Variants in HHLA2 observed in about 807,000 individuals in gnomAD.
HHLA2 encodes HERV-H LTR-associating protein 2.
Under a neutral mutation model 45.9 loss-of-function variants are expected in HHLA2, and 48 were observed. The observed-to-expected ratio is 1.05, with a 90% CI of 0.83 to 1.33. HHLA2 has a LOEUF of 1.33. HHLA2 is among the 40% of genes most tolerant of loss of function. The probability of loss-of-function intolerance (pLI) is 0.00; values close to 1 mark genes in which losing one functional copy is unlikely to be tolerated. For synonymous variants in HHLA2, 161 were observed against 173.9 expected, an observed-to-expected ratio of 0.93 and a Z score of 0.59; for missense variants, 462 against 494.3, an observed-to-expected ratio of 0.93 and a Z score of 0.62.
chr3:108,367,615 A>C (rs762763409), intron 8 of HHLA2, among the ~76,000 whole-genome samples: 3 of 151,938 alleles, frequency 2.0e-5, no homozygotes, highest in Non-Finnish European at 4.4e-5. Context: ...CAGAGACTGA[A>C]GATCAACTTA....
intron 3 of HHLA2, among the ~76,000 whole-genome samples, chr3:108,347,659 G>A (rs529764248): frequency 2.0e-5 from 3 of 152,276 alleles, no homozygotes; most frequent in South Asian, 4.1e-4. Context: ...GTAGGAAAAG[G>A]GTAACCAGCC....
Position 108,318,565 on chromosome 3 carries a change from C to A in HHLA2, c.-105+7824C>A, listed in dbSNP as rs186079757. The stretch of plus-strand genomic sequence containing the variant: ...TCTAATTCCTGGAAATAAAAAATCA[C>A]CCAAATTATTTTCCTTTTCCCCCAA... On this transcript the variant is annotated intron_variant, in intron 2 of 10. Transcript: ENST00000619531. Among the ~76,000 whole-genome samples the A allele has an allele frequency of 2.4e-4, 37 of 152,296 alleles. No homozygotes were observed. In the East Asian group the frequency reaches 5.0e-3, roughly 21 times the overall value.
rs975445686 is a variant in HHLA2 at position 108,355,425 on chromosome 3, T to C, written c.685+44T>C. The C allele has an allele frequency of 5.1e-6, 8 of 1,574,030 alleles. No homozygotes were observed. In the African/African-American group the frequency reaches 5.5e-5, roughly 11 times the overall value. On this transcript the variant is annotated intron_variant, in intron 6 of 10. Transcript: ENST00000619531. ...TCTGTGTACACGTGCTGTTTCAAAG[T>C]TGGGGGGTAATGGGGACTGATTTGC...
rs1194259031 is a variant in HHLA2 at position 108,316,342 on chromosome 3, C to A, written c.-105+5601C>A. ...AAACTACATAGACATGAATGCTATT[C>A]TCATGAAGCTCACAGTATAGTAGGC... On this transcript the variant is annotated intron_variant, in intron 2 of 10. Transcript: ENST00000619531. Among the ~76,000 whole-genome samples the A allele has an allele frequency of 9.8e-5, 15 of 152,316 alleles. No homozygotes were observed. In the South Asian group the frequency reaches 3.1e-3, roughly 32 times the overall value.
At chr3:108,340,421 T>A (rs1435321024) in intron 3 of HHLA2, among the ~76,000 whole-genome samples, 2 of 152,196 alleles carry the variant, frequency 1.3e-5, no homozygotes, top group African/African-American at 4.8e-5. Flanking sequence ...TTACACATGC[T>A]CCCTCTCTCG....
chr3:108,371,717 AAG>A, intron 8 of HHLA2, among the ~76,000 whole-genome samples: 1 of 152,236 alleles, frequency 6.6e-6, no homozygotes, highest in Non-Finnish European at 1.5e-5. Flanking sequence ...CAAAGATCAA[AAG>A]AGACAAAGAA....
At chr3:108,365,410 T>C (rs575436790) in intron 8 of HHLA2, among the ~76,000 whole-genome samples, 1 of 152,356 alleles carries the variant, frequency 6.6e-6, no homozygotes, top group African/African-American at 2.4e-5. Flanking sequence ...CCTTGTGGTA[T>C]AGTCTGAAGT....
chr3:108,341,735 T>A (rs906593791), intron 3 of HHLA2, among the ~76,000 whole-genome samples: 1 of 152,210 alleles, frequency 6.6e-6, no homozygotes, highest in African/African-American at 2.4e-5. Flanking sequence ...CACAGTAGTT[T>A]AAATGTATTA....
intron 1 of HHLA2, among the ~76,000 whole-genome samples, chr3:108,303,977 A>T (rs1226388569): frequency 1.3e-5 from 2 of 152,112 alleles, no homozygotes; most frequent in Non-Finnish European, 2.9e-5. Flanking sequence ...TTGTTAGATA[A>T]TTGAACTGAC....
intron 3 of HHLA2, among the ~76,000 whole-genome samples, chr3:108,332,727 C>A (rs959306854): frequency 1.7e-4 from 26 of 152,146 alleles, no homozygotes; most frequent in African/African-American, 5.8e-4. Flanking sequence ...GACATACAAA[C>A]AGGGAACTCT....
At chr3:108,324,861 C>T (rs1408607238) in intron 2 of HHLA2, among the ~76,000 whole-genome samples, 3 of 152,168 alleles carry the variant, frequency 2.0e-5, no homozygotes, top group African/African-American at 7.2e-5. Context: ...CTCCCCCTAC[C>T]TCTTTAGAAG....
chr3:108,353,215 A>C (rs2081811863), intron 4 of HHLA2, among the ~76,000 whole-genome samples: 1 of 152,230 alleles, frequency 6.6e-6, no homozygotes, highest in African/African-American at 2.4e-5. Flanking sequence ...TCTCCCAGTT[A>C]CATTGCATAA....
At chr3:108,325,857 T>A in intron 2 of HHLA2, 1 of 394,594 alleles carries the variant, frequency 2.5e-6, no homozygotes, top group Non-Finnish European at 4.9e-6. Flanking sequence ...CTCACATCTC[T>A]AGAACTACTT....
At chr3:108,360,922 A>G (rs891664385) in intron 7 of HHLA2, among the ~76,000 whole-genome samples, 3 of 152,230 alleles carry the variant, frequency 2.0e-5, no homozygotes, top group Admixed American at 1.3e-4. Context: ...ATAGAAAATT[A>G]CATTTGTTAT....
chr3:108,313,913 T>A (rs1239327489), intron 2 of HHLA2, among the ~76,000 whole-genome samples: 1 of 152,190 alleles, frequency 6.6e-6, no homozygotes. Flanking sequence ...TTATGATGAC[T>A]TCATCAGACC....
chr3:108,320,011 G>C (rs562135859), intron 2 of HHLA2, among the ~76,000 whole-genome samples: 4 of 152,272 alleles, frequency 2.6e-5, no homozygotes, highest in African/African-American at 9.6e-5. Context: ...AGCATGTCAT[G>C]ACTGCATAAT....
At chr3:108,338,717 G>T (rs965728934) in intron 3 of HHLA2, among the ~76,000 whole-genome samples, 1 of 152,164 alleles carries the variant, frequency 6.6e-6, no homozygotes, top group African/African-American at 2.4e-5. Context: ...ACCTTGGACA[G>T]GTTGCCATGA....
chr3:108,305,022 T>C (rs2080907330), intron 1 of HHLA2, among the ~76,000 whole-genome samples: 1 of 152,236 alleles, frequency 6.6e-6, no homozygotes, highest in African/African-American at 2.4e-5. Flanking sequence ...TCTGTTTTTA[T>C]AGGGTTTTCA....
chr3:108,324,626 C>T (rs573630358), intron 2 of HHLA2, among the ~76,000 whole-genome samples: 3 of 152,318 alleles, frequency 2.0e-5, no homozygotes, highest in East Asian at 1.9e-4. Context: ...CTATGGTAAT[C>T]CTGTCCTTGC....
Sources: allele counts gnomAD v4.1 joint callset (sites outside exome capture counted in the v4.1 genomes callset), GRCh38; gene constraint gnomAD v4.1.1; transcripts MANE v1.5; gene names NCBI Gene and HGNC (gene_info 2026-07-23, HGNC 2026-07-21).